Variants in LMTK2 observed in about 807,000 individuals in gnomAD.
LMTK2 encodes lemur tail kinase 2.
In LMTK2, 37 loss-of-function variants were observed where a neutral mutation model predicts 127.5. The observed-to-expected ratio is 0.29, with a 90% CI of 0.22 to 0.38. The LOEUF (loss-of-function observed/expected upper bound fraction) is 0.38, where lower values mean the gene tolerates loss of function less well. LMTK2 is among the 10% of genes least tolerant of loss of function. The pLI is 1.00. For synonymous variants in LMTK2, 819 were observed against 810.1 expected (o/e 1.01, Z -0.19); for missense variants, 1,694 against 1,920.3 (o/e 0.88, Z 2.20).
chr7:98,165,686 A>G (rs571301120), intron 6 of LMTK2, among the ~76,000 whole-genome samples: 41 of 152,018 alleles, frequency 2.7e-4, no homozygotes, highest in Non-Finnish European at 4.4e-4. Context: ...AGAAATGCCT[A>G]ATTAATGGGC....
chr7:98,184,448 G>A (rs577850511), intron 7 of LMTK2, among the ~76,000 whole-genome samples: 6 of 151,960 alleles, frequency 3.9e-5, no homozygotes, highest in Admixed American at 1.3e-4. Context: ...CGGGTTGGGG[G>A]TATGTGTGTG....
intron 2 of LMTK2, among the ~76,000 whole-genome samples, chr7:98,141,155 CA>C (rs1334948143): frequency 3.3e-5 from 5 of 151,610 alleles, no homozygotes; most frequent in African/African-American, 1.2e-4. Flanking sequence ...GTGTAAATTC[CA>C]TTGCATTTAA....
intron 3 of LMTK2, among the ~76,000 whole-genome samples, chr7:98,144,601 C>T (rs923849987): frequency 1.5e-4 from 23 of 152,026 alleles, no homozygotes; most frequent in Non-Finnish European, 2.9e-5. Flanking sequence ...TCCCCTCACT[C>T]CCATTCACAT....
intron 1 of LMTK2, among the ~76,000 whole-genome samples, chr7:98,134,367 G>T (rs534437135): frequency 2.6e-5 from 4 of 152,230 alleles, no homozygotes; most frequent in African/African-American, 9.7e-5. Context: ...TGGACAAACT[G>T]TGTGTTATTT....
At chr7:98,141,632 A>G (rs1796701721) in intron 3 of LMTK2, 91 bp downstream of exon 3, 1 of 1,232,554 alleles carries the variant, frequency 8.1e-7, no homozygotes, top group Non-Finnish European at 1.2e-6. Flanking sequence ...TGGACTGCCC[A>G]TCTCCTCTTT....
intron 1 of LMTK2, among the ~76,000 whole-genome samples, chr7:98,120,067 C>T (rs1450772355): frequency 1.3e-5 from 2 of 152,112 alleles, no homozygotes; most frequent in Admixed American, 6.6e-5. Flanking sequence ...GTCTCTGAAG[C>T]TGCTACATTA....
At chr7:98,128,704 G>A (rs557105177) in intron 1 of LMTK2, among the ~76,000 whole-genome samples, 1 of 152,302 alleles carries the variant, frequency 6.6e-6, no homozygotes, top group Non-Finnish European at 1.5e-5. Flanking sequence ...TGCTCCAGGG[G>A]CTCCCTGGGG....
At chr7:98,126,741 A>G (rs1315912831) in intron 1 of LMTK2, 1 of 152,236 alleles carries the variant, frequency 6.6e-6, no homozygotes, top group Admixed American at 6.5e-5. Context: ...CTTCGTATAA[A>G]ATGATCTCAT....
At chr7:98,164,656 T>C (rs1366545171) in intron 6 of LMTK2, among the ~76,000 whole-genome samples, 1 of 152,132 alleles carries the variant, frequency 6.6e-6, no homozygotes, top group Non-Finnish European at 1.5e-5. Context: ...CCAGGATCAC[T>C]GGGGAAGGCT....
At chr7:98,109,397 T>C (rs1025984248) in intron 1 of LMTK2, among the ~76,000 whole-genome samples, 3 of 152,066 alleles carry the variant, frequency 2.0e-5, no homozygotes, top group African/African-American at 7.2e-5. Context: ...GTGTATATGT[T>C]TTGACGTGTT....
intron 6 of LMTK2, among the ~76,000 whole-genome samples, chr7:98,162,681 A>G (rs1375560611): frequency 6.6e-6 from 1 of 152,238 alleles, no homozygotes; most frequent in Non-Finnish European, 1.5e-5. Flanking sequence ...CTAATGGTAC[A>G]TTGATCAATA....
chr7:98,137,619 C>T (rs1046441643), intron 2 of LMTK2, among the ~76,000 whole-genome samples, 177 bp downstream of exon 2: 1 of 152,212 alleles, frequency 6.6e-6, no homozygotes, highest in Non-Finnish European at 1.5e-5. Context: ...CATACAGTCT[C>T]TAAAACAGCA....
At chr7:98,153,493 G>T (rs1363149151) in intron 4 of LMTK2, among the ~76,000 whole-genome samples, 2 of 152,246 alleles carry the variant, frequency 1.3e-5, no homozygotes, top group Non-Finnish European at 2.9e-5. Context: ...GGGAAATGGT[G>T]ATGGTACATC....
At position 98,186,860 on chromosome 7, in the gene LMTK2, GCTTT is replaced by G; in HGVS notation, c.877-14_877-11del. 6.2e-7 allele frequency: 1 copy of G among 1,606,542 alleles called. No individual in the cohort carries two copies. The highest frequency in any genetic ancestry group is 1.3e-5 in the African/African-American group (1 of 74,740). The stretch of plus-strand genomic sequence containing the variant: ...TATAATTCTATTCAAAATTCTGTGT[GCTTT>G]CTAACAAAACAGGAGGATTATATTG... On this transcript the variant is annotated splice_polypyrimidine_tract_variant and intron_variant, in intron 8 of 13. Transcript: ENST00000297293.
intron 5 of LMTK2, among the ~76,000 whole-genome samples, chr7:98,157,879 T>C (rs947182007): frequency 5.3e-5 from 8 of 152,290 alleles, no homozygotes; most frequent in Admixed American, 3.3e-4. Flanking sequence ...TGAGTCTCCA[T>C]TGAGGTGGTG....
Position 98,205,609 on chromosome 7 carries a change from G to A in LMTK2, c.*117G>A. Reference sequence around the variant, plus strand: ...TTTGCTGACATGAGATTGGGAGGAAGAATCCAGAGGTGAAGAGGGAGACGG... The same window carrying A: ...TTTGCTGACATGAGATTGGGAGGAAAAATCCAGAGGTGAAGAGGGAGACGG... On this transcript the variant is annotated 3_prime_UTR_variant, in exon 14 of 14. Coordinates refer to ENST00000297293, the MANE Select transcript of LMTK2 (RefSeq NM_014916.4). 2 of 1,117,860 alleles carry A rather than the reference G, an allele frequency of 1.8e-6. No individual in the cohort carries two copies. The highest frequency in any genetic ancestry group is 2.6e-6 in the Non-Finnish European group (2 of 763,820). The allele number at this position is 1,117,860 out of a possible 1,614,324, so 69.2% of individuals were successfully genotyped here.
At chr7:98,141,015 CCACTGTGCTCCAGT>C (rs904475961) in intron 2 of LMTK2, among the ~76,000 whole-genome samples, 3 of 151,352 alleles carry the variant, frequency 2.0e-5, no homozygotes, top group Non-Finnish European at 4.4e-5. Flanking sequence ...CATGATCATG[CCACTGTGCTCCAGT>C]CACTGTGCTC....
intron 6 of LMTK2, among the ~76,000 whole-genome samples, chr7:98,168,918 T>C (rs1467095676): frequency 2.0e-5 from 3 of 152,212 alleles, no homozygotes; most frequent in Non-Finnish European, 4.4e-5. Flanking sequence ...CTATTCTTGG[T>C]GAGCTTTTTT....
chr7:98,167,198 G>A (rs1047939386), intron 6 of LMTK2, among the ~76,000 whole-genome samples: 3 of 152,196 alleles, frequency 2.0e-5, no homozygotes, highest in Non-Finnish European at 2.9e-5. Context: ...CTGCCTAAGT[G>A]TTTTTTCTTT....
Sources: allele counts gnomAD v4.1 joint callset (sites outside exome capture counted in the v4.1 genomes callset), GRCh38; gene constraint gnomAD v4.1.1; transcripts MANE v1.5; gene names NCBI Gene and HGNC (gene_info 2026-07-23, HGNC 2026-07-21).